Variants in UMPS observed in about 807,000 individuals in gnomAD.
The protein encoded by UMPS is uridine 5'-monophosphate synthase.
A neutral mutation model predicts 38.9 loss-of-function variants in UMPS; 21 were observed. The observed-to-expected ratio is 0.54, with a 90% confidence interval of 0.38 to 0.78. The LOEUF (loss-of-function observed/expected upper bound fraction) is 0.78, where lower values mean the gene tolerates loss of function less well. UMPS is among the 30% of genes least tolerant of loss of function. The pLI, the probability that UMPS is intolerant of heterozygous loss-of-function variation, is 0.00. For synonymous variants in UMPS, 208 were observed against 219.3 expected, an observed-to-expected ratio of 0.95 and a Z score of 0.45; for missense variants, 533 against 591.6, an observed-to-expected ratio of 0.90 and a Z score of 1.03.
Position 124,736,347 on chromosome 3 carries a change from T to C in UMPS, c.310+1101T>C, listed in dbSNP as rs17843811. Among the ~76,000 whole-genome samples, 513 of 152,360 alleles carry C rather than the reference T, an allele frequency of 3.4e-3. 6 individuals carry two copies. Among genetic ancestry groups the C allele is most frequent in the African/African-American group, 0.012 (485 of 41,570 alleles). ...TTGTTTATGTTGGTTTATTAGTGTT[T>C]TGTTACTTTTTTTAAAACAAATCCT... is the stretch of plus-strand genomic sequence containing the variant. On this transcript the variant is annotated intron_variant, in intron 2 of 5. Transcript: ENST00000232607.
chr3:124,736,643 C>T (rs1054025327), intron 2 of UMPS, among the ~76,000 whole-genome samples: 6 of 152,078 alleles, frequency 3.9e-5, no homozygotes, highest in African/African-American at 1.4e-4. Context: ...GAATCCCTAC[C>T]CATAAGAAAA....
At position 124,744,386 on chromosome 3, in the gene UMPS, A is replaced by G. The variant is rs889688868; in HGVS notation, c.*302A>G. The G allele has an allele frequency of 6.1e-6, 3 of 492,430 alleles. No individual in the cohort carries two copies. Among genetic ancestry groups the G allele is most frequent in the African/African-American group, 5.8e-5 (3 of 51,532 alleles). The allele number at this position is 492,430 out of a possible 1,614,324, so 30.5% of individuals were successfully genotyped here. On this transcript the variant is annotated 3_prime_UTR_variant, in exon 6 of 6. Transcript: ENST00000232607. ...ATTTGAGGATCCTTCCTATCTCTCC[A>G]TGGGACTAGACTGCTTTGTTATTCT... is the stretch of plus-strand genomic sequence containing the variant.
intron 1 of UMPS, chr3:124,732,302 G>A (rs980591683): frequency 1.3e-5 from 2 of 152,966 alleles, no homozygotes; most frequent in African/African-American, 2.4e-5. Context: ...TGCACTGTGC[G>A]GCCAGAAGCA....
chr3:124,740,436 C>A (rs1251243775), intron 4 of UMPS, among the ~76,000 whole-genome samples: 1 of 152,004 alleles, frequency 6.6e-6, no homozygotes, highest in Non-Finnish European at 1.5e-5. Context: ...ACTTTGAGAC[C>A]CAGATAGTTA....
In UMPS at chr3:124,746,243, C is replaced by T. The variant is rs559652457; in HGVS notation, c.*2159C>T. On this transcript the variant is annotated 3_prime_UTR_variant, in exon 6 of 6. Coordinates refer to ENST00000232607, the MANE Select transcript of UMPS (RefSeq NM_000373.4). ...ATTTGAGGGGAAATGAGAGGAGGCT[C>T]AAATAATCACCCAGCCCCTGCCACT... 39 of 454,010 alleles carry T rather than the reference C, an allele frequency of 8.6e-5. No individual in the cohort carries two copies. The highest frequency in any genetic ancestry group is 1.3e-4 in the Non-Finnish European group (29 of 226,798). 28.1% of individuals were successfully genotyped at this position (454,010 alleles called of 1,614,324 possible). A position where few individuals can be genotyped will look rare whatever the true frequency, so the allele number is the denominator to read the frequency against.
Position 124,746,796 on chromosome 3 carries a change from T to TGTGTGCGC in UMPS, c.*2713_*2714insTGTGCGCG, listed in dbSNP as rs776953343. 2 of 439,282 alleles carry TGTGTGCGC rather than the reference T, an allele frequency of 4.6e-6. No individual in the cohort carries two copies. Among genetic ancestry groups the TGTGTGCGC allele is most frequent in the African/African-American group, 4.2e-5 (2 of 47,180 alleles). The allele number at this position is 439,282 out of a possible 1,614,324, so 27.2% of individuals were successfully genotyped here. Reference sequence around the variant, plus strand: ...GTGTGTGTGTGTGTGTGTGTGTGTGTGCATGCGCGCGCGTGCGCACTGGAG... The same window carrying TGTGTGCGC: ...GTGTGTGTGTGTGTGTGTGTGTGTGTGTGTGCGCGCATGCGCGCGCGTGCGCACTGGAG... On this transcript the variant is annotated 3_prime_UTR_variant, in exon 6 of 6. Transcript: ENST00000232607.
intron 4 of UMPS, among the ~76,000 whole-genome samples, chr3:124,740,624 T>A (rs1237952681): frequency 1.3e-5 from 2 of 152,210 alleles, no homozygotes; most frequent in Non-Finnish European, 2.9e-5. Flanking sequence ...TTTCTCTTAT[T>A]CTTGTCAGAT....
In UMPS at chr3:124,749,055, C is replaced by T. The variant is rs960859154; in HGVS notation, c.*4971C>T. 6.6e-6 allele frequency: 3 copies of T among 453,964 alleles called. No homozygotes were observed. In the East Asian group the frequency reaches 2.1e-4, roughly 32 times the overall value. 28.1% of individuals were successfully genotyped at this position (453,964 alleles called of 1,614,324 possible). On this transcript the variant is annotated 3_prime_UTR_variant, in exon 6 of 6. Coordinates refer to ENST00000232607, the MANE Select transcript of UMPS (RefSeq NM_000373.4). ...CCAATGTCCCAACACTGCATTGTCTCCCTGCACTTAGCAGCCCTGCAGGGT... is the reference window on the plus strand; with the variant it reads ...CCAATGTCCCAACACTGCATTGTCTTCCTGCACTTAGCAGCCCTGCAGGGT...
Position 124,744,197 on chromosome 3 carries a change from G to A in UMPS, c.*113G>A, listed in dbSNP as rs748460398. The A allele has an allele frequency of 7.5e-7, 1 of 1,330,328 alleles. No individual in the cohort carries two copies. The highest frequency in any genetic ancestry group is 1.1e-6 in the Non-Finnish European group (1 of 947,242). The allele number at this position is 1,330,328 out of a possible 1,614,324, so 82.4% of individuals were successfully genotyped here. On this transcript the variant is annotated 3_prime_UTR_variant, in exon 6 of 6. Coordinates refer to ENST00000232607, the MANE Select transcript of UMPS (RefSeq NM_000373.4). The stretch of plus-strand genomic sequence containing the variant: ...TATTCCTGCTTGGATTCTTCCACAG[G>A]GCCTGTGTAAGAATGGGTTCTGGAG...
At chr3:124,732,457 A>G (rs1301949351) in intron 1 of UMPS, 6 of 154,974 alleles carry the variant, frequency 3.9e-5, no homozygotes, top group African/African-American at 1.4e-4. Flanking sequence ...GTTAAAATGC[A>G]GAATCCATTT....
chr3:124,741,968 C>A (rs1429929085), intron 4 of UMPS, among the ~76,000 whole-genome samples, 184 bp from the exon 5 acceptor site: 1 of 151,524 alleles, frequency 6.6e-6, no homozygotes, highest in Non-Finnish European at 1.5e-5. Flanking sequence ...GTAACCCCAG[C>A]ACTTTGGGAG....
chr3:124,737,552 A>AT lies in UMPS; in HGVS notation c.311-10dup, dbSNP rs1479573706. The AT allele has an allele frequency of 6.2e-6, 10 of 1,613,864 alleles. No individual in the cohort carries two copies. Among genetic ancestry groups the AT allele is most frequent in the Non-Finnish European group, 8.5e-6 (10 of 1,179,972 alleles). On this transcript the variant is annotated splice_polypyrimidine_tract_variant and intron_variant, in intron 2 of 5. Transcript: ENST00000232607. The stretch of plus-strand genomic sequence containing the variant: ...CATATTTAAATTTGGAATCAGCAAA[A>AT]TTTTTTCTTTTCTAGGAACTAAGCG...
Position 124,738,062 on chromosome 3 carries a change from C to G in UMPS, c.805C>G (p.Leu269Val). ...TTCACTGGCCAGAGAGCTGTTGCAG[C>G]TAGCAGATGCTTTAGGACCTAGTAT... is the stretch of plus-strand genomic sequence containing the variant. ...DVSLARELLQLADALGPSICM... is the reference protein window; with the variant it reads ...DVSLARELLQVADALGPSICM... The change falls in exon 3 of 6, where the codon CTA becomes GTA. Residue 269 changes from leucine (L) to valine (V), a missense_variant. Leu to Val is a conservative substitution (Grantham distance 32, BLOSUM62 1). Transcript: ENST00000232607. 6.2e-7 allele frequency: 1 copy of G among 1,614,220 alleles called. No homozygotes were observed. The highest frequency in any genetic ancestry group is 8.5e-7 in the Non-Finnish European group (1 of 1,180,052).
intron 5 of UMPS, 77 bp from the exon 6 acceptor site, chr3:124,743,838 A>G: frequency 6.3e-7 from 1 of 1,576,458 alleles, no homozygotes; most frequent in Non-Finnish European, 8.7e-7. Flanking sequence ...CTGGTTAGAT[A>G]CTTTTTCAGA....
In UMPS at chr3:124,744,914, GA is replaced by G. The variant is rs1400764199; in HGVS notation, c.*832del. 1 of 454,078 alleles carries G rather than the reference GA, an allele frequency of 2.2e-6. No homozygotes were observed. The highest frequency in any genetic ancestry group is 1.6e-5 in the South Asian group (1 of 64,472). 28.1% of individuals were successfully genotyped at this position (454,078 alleles called of 1,614,324 possible). A position where few individuals can be genotyped will look rare whatever the true frequency, so the allele number is the denominator to read the frequency against. On this transcript the variant is annotated 3_prime_UTR_variant, in exon 6 of 6. Transcript: ENST00000232607. ...GCCATTGCTCACTCTCCAAAGAGGG[GA>G]AGGTGGGGAAGGGGAAGGTGACTAT...
chr3:124,738,326 C>A, intron 3 of UMPS, 87 bp downstream of exon 3: 1 of 1,423,640 alleles, frequency 7.0e-7, no homozygotes, highest in Non-Finnish European at 9.7e-7. Flanking sequence ...CATTGAAAGT[C>A]CATTCATAGA....
In UMPS at chr3:124,746,046, C is replaced by G. The variant is rs1177958167; in HGVS notation, c.*1962C>G. ...CTGCGCAGGGACTGGACTTTGAGAA[C>G]CACTTCACTGGTTATTCACATTTCT... On this transcript the variant is annotated 3_prime_UTR_variant, in exon 6 of 6. Transcript: ENST00000232607. 1 of 454,038 alleles carries G rather than the reference C, an allele frequency of 2.2e-6. No homozygotes were observed. The highest frequency in any genetic ancestry group is 4.4e-6 in the Non-Finnish European group (1 of 226,814). The allele number at this position is 454,038 out of a possible 1,614,324, so 28.1% of individuals were successfully genotyped here.
intron 1 of UMPS, chr3:124,732,548 G>A (rs182246546): frequency 6.6e-4 from 102 of 154,896 alleles, no homozygotes; most frequent in African/African-American, 2.5e-3. Context: ...TGAGTAGAGG[G>A]CCGTAAATAT....
chr3:124,735,311 T>G (rs1225803940), intron 2 of UMPS, 65 bp downstream of exon 2: 1 of 1,476,938 alleles, frequency 6.8e-7, no homozygotes, highest in Non-Finnish European at 9.3e-7. Context: ...TTAGAATTTT[T>G]CCGCTTCTGT....
Sources: gnomAD v4.1 joint callset for allele counts (sites outside exome capture counted in the v4.1 genomes callset) on GRCh38, gnomAD v4.1.1 for gene constraint, MANE v1.5 for transcripts, NCBI Gene and HGNC (gene_info 2026-07-23, HGNC 2026-07-21) for gene names.